The following XYLT1 variants were observed in gnomAD, a reference collection of about 807,000 sequenced individuals.
XYLT1 encodes xylosyltransferase 1.
A neutral mutation model predicts 91.3 loss-of-function variants in XYLT1; 36 were observed. That is an observed-to-expected ratio of 0.39 (90% CI 0.30 to 0.52). XYLT1 has a LOEUF of 0.52. XYLT1 is among the 20% of genes least tolerant of loss of function. The pLI, the probability that XYLT1 is intolerant of heterozygous loss-of-function variation, is 0.68. For synonymous variants in XYLT1, 588 were observed against 532.0 expected (o/e 1.11, Z -1.45); for missense variants, 1,242 against 1,284.5 (o/e 0.97, Z 0.51).
intron 1 of XYLT1, among the ~76,000 whole-genome samples, chr16:17,362,863 G>GT (rs2035402671): frequency 6.6e-6 from 1 of 152,206 alleles, no homozygotes; most frequent in Non-Finnish European, 1.5e-5. Context: ...TCAGAGCCAG[G>GT]TATCTCCGTG....
chr16:17,128,387 T>C (rs2030337184), intron 9 of XYLT1, among the ~76,000 whole-genome samples: 1 of 151,272 alleles, frequency 6.6e-6, no homozygotes, highest in South Asian at 2.1e-4. Flanking sequence ...ATGCTCGGTG[T>C]GTTTCATCAT....
chr16:17,206,066 C>A lies in XYLT1; in HGVS notation c.914-5412G>T, dbSNP rs531752380. Among the ~76,000 whole-genome samples, 6 of 152,196 alleles carry A rather than the reference C, an allele frequency of 3.9e-5. No homozygotes were observed. The East Asian group carries it at 1.2e-3, about 29-fold the overall frequency. ...TTCAGAGCTGGGGTGTAGAATGCAACCTTGCACTGTGTGGATTTAGGAAAG... is the reference window on the plus strand; with the variant it reads ...TTCAGAGCTGGGGTGTAGAATGCAAACTTGCACTGTGTGGATTTAGGAAAG... On this transcript the variant is annotated intron_variant, in intron 3 of 11. Coordinates refer to ENST00000261381, the MANE Select transcript of XYLT1 (RefSeq NM_022166.4).
chr16:17,226,020 A>T (rs1233023073), intron 3 of XYLT1, among the ~76,000 whole-genome samples: 2 of 149,814 alleles, frequency 1.3e-5, no homozygotes, highest in Non-Finnish European at 2.9e-5. Flanking sequence ...GGAAATTTGC[A>T]TGAGGTAGTG....
intron 5 of XYLT1, among the ~76,000 whole-genome samples, chr16:17,172,020 A>G (rs1485184246): frequency 6.6e-6 from 1 of 152,206 alleles, no homozygotes; most frequent in Non-Finnish European, 1.5e-5. Flanking sequence ...TGTTGCCTTT[A>G]TAATAACAGG....
At chr16:17,456,928 G>A (rs995606197) in intron 1 of XYLT1, among the ~76,000 whole-genome samples, 2 of 152,256 alleles carry the variant, frequency 1.3e-5, no homozygotes, top group East Asian at 1.9e-4. Flanking sequence ...TGCCTGCCAC[G>A]TAGTGACATC....
chr16:17,435,772 G>T (rs1347685153), intron 1 of XYLT1, among the ~76,000 whole-genome samples: 2 of 152,176 alleles, frequency 1.3e-5, no homozygotes, highest in Non-Finnish European at 2.9e-5. Context: ...TTCTCTCATT[G>T]ACTTTATTTT....
intron 9 of XYLT1, among the ~76,000 whole-genome samples, chr16:17,129,844 C>T (rs1167789282): frequency 6.6e-6 from 1 of 152,180 alleles, no homozygotes; most frequent in Non-Finnish European, 1.5e-5. Context: ...GCATTAATGT[C>T]CCAAATCTCC....
intron 3 of XYLT1, among the ~76,000 whole-genome samples, chr16:17,213,779 C>T (rs1347547766): frequency 1.3e-5 from 2 of 151,908 alleles, no homozygotes; most frequent in Non-Finnish European, 2.9e-5. Flanking sequence ...CCCCCATGCC[C>T]GGCTAATTTT....
intron 1 of XYLT1, among the ~76,000 whole-genome samples, chr16:17,403,669 G>A (rs755146971): frequency 8.8e-4 from 134 of 152,184 alleles, no homozygotes; most frequent in Non-Finnish European, 1.6e-3. Flanking sequence ...ACACGTGGGG[G>A]AATCATGGCA....
intron 1 of XYLT1, among the ~76,000 whole-genome samples, chr16:17,430,873 CTAAAG>C (rs1181851896): frequency 1.3e-5 from 2 of 152,026 alleles, no homozygotes; most frequent in African/African-American, 4.8e-5. Context: ...GAGATAGTAT[CTAAAG>C]TAAACTGGGG....
chr16:17,280,807 T>A (rs1277477410), intron 2 of XYLT1, among the ~76,000 whole-genome samples: 1 of 152,196 alleles, frequency 6.6e-6, no homozygotes, highest in Non-Finnish European at 1.5e-5. Flanking sequence ...TGTCATTCAA[T>A]ATTAGCATTT....
intron 3 of XYLT1, among the ~76,000 whole-genome samples, chr16:17,215,372 G>C (rs1205512570): frequency 6.6e-6 from 1 of 152,112 alleles, no homozygotes; most frequent in African/African-American, 2.4e-5. Context: ...GTTAAATGAA[G>C]TCCTAAGGGT....
chr16:17,353,242 T>C (rs766626763), intron 2 of XYLT1, among the ~76,000 whole-genome samples: 15 of 152,186 alleles, frequency 9.9e-5, no homozygotes, highest in Non-Finnish European at 1.6e-4. Flanking sequence ...AATACCCAGA[T>C]TGACAAATCT....
chr16:17,105,654 C>T lies in XYLT1; in HGVS notation c.*3041G>A, dbSNP rs1163518018. ...TAAAGAATGCTTCCTTCTCCACAAA[C>T]CAATACCCCAAGGCCCACCTGTCAG... On this transcript the variant is annotated 3_prime_UTR_variant, in exon 12 of 12. Coordinates refer to ENST00000261381, the MANE Select transcript of XYLT1 (RefSeq NM_022166.4). 6.6e-6 allele frequency: 1 copy of T among 152,156 alleles called. No homozygotes were observed. The highest frequency in any genetic ancestry group is 1.9e-4 in the East Asian group (1 of 5,190). 9.4% of individuals were successfully genotyped at this position (152,156 alleles called of 1,614,324 possible). A position where few individuals can be genotyped will look rare whatever the true frequency, so the allele number is the denominator to read the frequency against.
At chr16:17,201,245 T>G (rs969891545) in intron 3 of XYLT1, among the ~76,000 whole-genome samples, 1 of 152,184 alleles carries the variant, frequency 6.6e-6, no homozygotes, top group African/African-American at 2.4e-5. Flanking sequence ...ATCCAATACC[T>G]TTTGTGGCAT....
chr16:17,399,412 C>T (rs1401058747), intron 1 of XYLT1, among the ~76,000 whole-genome samples: 1 of 152,150 alleles, frequency 6.6e-6, no homozygotes, highest in African/African-American at 2.4e-5. Context: ...AGGCCTCCAG[C>T]ACTGAGAGCA....
chr16:17,230,826 C>T (rs1205740604), intron 3 of XYLT1, among the ~76,000 whole-genome samples: 4 of 152,124 alleles, frequency 2.6e-5, no homozygotes. Flanking sequence ...GTGATATAGC[C>T]CCCTAGATAC....
rs938163579 is a variant in XYLT1 at position 17,346,730 on chromosome 16, C to T, written c.402+11282G>A. On this transcript the variant is annotated intron_variant, in intron 2 of 11. Transcript: ENST00000261381. ...GCCAGTGAACGTGGAGACTGGTCAT[C>T]TGACCAAGAACTCTCTTTGAGCCCG... Among the ~76,000 whole-genome samples, 64 of 152,150 alleles carry T rather than the reference C, an allele frequency of 4.2e-4. 1 individual carries two copies. Among genetic ancestry groups the T allele is most frequent in the Non-Finnish European group, 2.6e-4 (18 of 68,030 alleles).
At chr16:17,277,822 T>C (rs1334765327) in intron 2 of XYLT1, among the ~76,000 whole-genome samples, 2 of 152,160 alleles carry the variant, frequency 1.3e-5, no homozygotes, top group Admixed American at 1.3e-4. Flanking sequence ...TGCATCCATG[T>C]TGCTGCAAAG....
Sources: allele counts gnomAD v4.1 joint callset (sites outside exome capture counted in the v4.1 genomes callset), GRCh38; gene constraint gnomAD v4.1.1; transcripts MANE v1.5; gene names NCBI Gene and HGNC (gene_info 2026-07-23, HGNC 2026-07-21).